TBC1D22A: variants seen among roughly 807,000 people sequenced by gnomAD.
The protein encoded by TBC1D22A is TBC1 domain family member 22A, also known as putative GTPase activator.
TBC1D22A carries 38 observed loss-of-function variants against 60.2 expected under a neutral mutation model. The ratio of observed to expected loss-of-function variants is 0.63; its 90% CI spans 0.49 to 0.83. The LOEUF is 0.83. Among genes scored for constraint, TBC1D22A ranks in the 40% least tolerant of loss-of-function variants. The pLI is 0.00. For missense variants in TBC1D22A, 628 were observed against 701.0 expected (o/e 0.90, Z 1.18); for synonymous variants, 302 against 281.7 (o/e 1.07, Z -0.72).
intron 10 of TBC1D22A, among the ~76,000 whole-genome samples, chr22:47,001,297 TTC>T (rs1325678634): frequency 1.0e-4 from 9 of 85,930 alleles, no homozygotes; most frequent in Non-Finnish European, 1.8e-4. Context: ...TTTTCTTTCT[TTC>T]TTTTTTTTTT....
At chr22:47,119,741 C>T (rs1053402164) in intron 12 of TBC1D22A, among the ~76,000 whole-genome samples, 4 of 152,134 alleles carry the variant, frequency 2.6e-5, no homozygotes, top group African/African-American at 7.2e-5. Flanking sequence ...GTAATCCGCC[C>T]GCCTCAGCCT....
rs1369723599 is a variant in TBC1D22A, at chr22:47,162,659, TGCGGACCCG to T, written c.1426-10837_1426-10829del. On this transcript the variant is annotated intron_variant, in intron 12 of 12. Coordinates refer to ENST00000337137, the MANE Select transcript of TBC1D22A (RefSeq NM_014346.5). ...GCAGGGAGAGTCGTGGGAATGGGAC[TGCGGACCCG>T]GTGCAGGGAGAGTCGTGGGAATGGG... Among the ~76,000 whole-genome samples, 179 of 57,042 alleles carry T rather than the reference TGCGGACCCG, an allele frequency of 3.1e-3. 3 individuals carry two copies. The highest frequency in any genetic ancestry group is 7.7e-3 in the African/African-American group (172 of 22,420). The allele number at this position is 57,042 out of a possible 152,430, so 37.4% of individuals were successfully genotyped here.
intron 5 of TBC1D22A, among the ~76,000 whole-genome samples, chr22:46,884,000 C>G (rs1408881922): frequency 6.6e-6 from 1 of 152,204 alleles, no homozygotes; most frequent in African/African-American, 2.4e-5. Flanking sequence ...GACAGGATCT[C>G]TGCACGTCGT....
intron 10 of TBC1D22A, among the ~76,000 whole-genome samples, chr22:47,015,235 G>A (rs2061868451): frequency 6.6e-6 from 1 of 152,208 alleles, no homozygotes; most frequent in South Asian, 2.1e-4. Flanking sequence ...GATTTTGAGA[G>A]CCAGGATGCG....
intron 7 of TBC1D22A, among the ~76,000 whole-genome samples, chr22:46,907,601 G>A (rs376268245): frequency 1.3e-5 from 2 of 152,062 alleles, no homozygotes; most frequent in South Asian, 2.1e-4. Context: ...CACCGTCCTC[G>A]CCTCCACCAT....
intron 8 of TBC1D22A, among the ~76,000 whole-genome samples, chr22:46,927,872 G>A (rs1251298897): frequency 6.6e-6 from 1 of 152,152 alleles, no homozygotes; most frequent in Non-Finnish European, 1.5e-5. Context: ...AGCAAGAGAG[G>A]TGCAACATTC....
At chr22:46,807,885 C>T (rs574737641) in intron 4 of TBC1D22A, among the ~76,000 whole-genome samples, 13 of 152,152 alleles carry the variant, frequency 8.5e-5, no homozygotes, top group South Asian at 2.1e-4. Flanking sequence ...GAGGATTGCT[C>T]GAGCCCAGGA....
intron 9 of TBC1D22A, among the ~76,000 whole-genome samples, chr22:46,982,509 A>T (rs926052761): frequency 6.6e-6 from 1 of 152,184 alleles, no homozygotes. Flanking sequence ...GGCGTGAGCC[A>T]CTGCGCCCGG....
intron 11 of TBC1D22A, among the ~76,000 whole-genome samples, chr22:47,073,982 A>G (rs1343884991): frequency 6.6e-6 from 1 of 152,134 alleles, no homozygotes; most frequent in East Asian, 1.9e-4. Flanking sequence ...TTAGCTGAGT[A>G]TGGTGGCATA....
intron 4 of TBC1D22A, among the ~76,000 whole-genome samples, chr22:46,829,154 CT>C (rs2086199125): frequency 6.6e-6 from 1 of 152,162 alleles, no homozygotes; most frequent in African/African-American, 2.4e-5. Context: ...CTTTGTGGCT[CT>C]TTTTTCTTTG....
At chr22:47,013,928 A>T (rs1346722138) in intron 10 of TBC1D22A, among the ~76,000 whole-genome samples, 1 of 151,892 alleles carries the variant, frequency 6.6e-6, no homozygotes, top group Non-Finnish European at 1.5e-5. Flanking sequence ...CAGTCCTCCC[A>T]CTCTGCTGTG....
intron 12 of TBC1D22A, among the ~76,000 whole-genome samples, chr22:47,147,071 G>A (rs1187273338): frequency 1.3e-5 from 2 of 152,218 alleles, no homozygotes; most frequent in Non-Finnish European, 2.9e-5. Flanking sequence ...GCAGAAGGAA[G>A]GCAGCCAGCC....
intron 12 of TBC1D22A, among the ~76,000 whole-genome samples, chr22:47,150,404 A>G (rs2067456845): frequency 6.6e-6 from 1 of 152,124 alleles, no homozygotes; most frequent in South Asian, 2.1e-4. Flanking sequence ...AAAGTCCGCA[A>G]ACACGTGACC....
At chr22:46,803,361 A>G (rs965123764) in intron 4 of TBC1D22A, among the ~76,000 whole-genome samples, 1 of 152,142 alleles carries the variant, frequency 6.6e-6, no homozygotes, top group Non-Finnish European at 1.5e-5. Flanking sequence ...TAGTGTAGAC[A>G]GTGGGCATTC....
At chr22:46,781,068 G>C (rs1360279566) in intron 1 of TBC1D22A, among the ~76,000 whole-genome samples, 2 of 151,506 alleles carry the variant, frequency 1.3e-5, no homozygotes, top group Non-Finnish European at 2.9e-5. Context: ...CCCCACAACT[G>C]ACCAGTGTCT....
chr22:46,941,934 T>TACACACAC (rs368425901), intron 8 of TBC1D22A, among the ~76,000 whole-genome samples: 37 of 138,506 alleles, frequency 2.7e-4, no homozygotes, highest in African/African-American at 8.5e-4. Flanking sequence ...TATGTATGTA[T>TACACACAC]ACACACACAC....
chr22:46,777,732 G>A lies in TBC1D22A; in HGVS notation c.63-14788G>A, dbSNP rs562143430. ...AGGATTGAGTGAGAAGCAGCAAGAA[G>A]GAGAGAGGGGAAATGGGCCTCGGTG... On this transcript the variant is annotated intron_variant, in intron 1 of 12. Coordinates refer to ENST00000337137, the MANE Select transcript of TBC1D22A (RefSeq NM_014346.5). The surrounding 1 kb of genome is among the most constrained non-coding windows in gnomAD (Gnocchi z 4.5). 1.9e-4 allele frequency among the ~76,000 whole-genome samples: 29 copies of A among 152,328 alleles called. No individual in the cohort carries two copies. The highest frequency in any genetic ancestry group is 3.1e-4 in the Non-Finnish European group (21 of 68,024).
chr22:47,032,508 G>A (rs575297337), intron 10 of TBC1D22A, among the ~76,000 whole-genome samples: 19 of 131,500 alleles, frequency 1.4e-4, no homozygotes, highest in South Asian at 2.2e-4. Context: ...GAGTGGCCGC[G>A]AACACACACC....
intron 12 of TBC1D22A, among the ~76,000 whole-genome samples, chr22:47,119,501 T>C (rs1161113251): frequency 6.6e-6 from 1 of 151,564 alleles, no homozygotes; most frequent in Non-Finnish European, 1.5e-5. Context: ...CTGGGTAATT[T>C]TTTTTTTTTT....
Sources: gnomAD v4.1 joint callset for allele counts (sites outside exome capture counted in the v4.1 genomes callset) on GRCh38, gnomAD v4.1.1 for gene constraint, Gnocchi (gnomAD v3.1) non-coding constraint, MANE v1.5 for transcripts, NCBI Gene and HGNC (gene_info 2026-07-23, HGNC 2026-07-21) for gene names.